The following TRIM36 variants were observed in gnomAD, a reference collection of about 807,000 sequenced individuals.
TRIM36 encodes the protein E3 ubiquitin-protein ligase TRIM36.
A neutral mutation model predicts 72.4 loss-of-function variants in TRIM36; 42 were observed. The ratio of observed to expected loss-of-function variants is 0.58; its 90% CI spans 0.45 to 0.75. The LOEUF is 0.75. TRIM36 is among the 30% of genes least tolerant of loss of function. TRIM36 has a pLI of 0.00. For synonymous variants in TRIM36, 315 were observed against 282.8 expected, an observed-to-expected ratio of 1.11 and a Z score of -1.14; for missense variants, 913 against 857.1, an observed-to-expected ratio of 1.07 and a Z score of -0.81.
At chr5:115,138,916 C>T (rs1023880582) in intron 5 of TRIM36, among the ~76,000 whole-genome samples, 4 of 151,848 alleles carry the variant, frequency 2.6e-5, no homozygotes, top group South Asian at 4.2e-4. Context: ...CCAAGGTTCA[C>T]GCCATTCTCC....
intron 4 of TRIM36, among the ~76,000 whole-genome samples, chr5:115,143,991 C>T (rs1229250755): frequency 6.6e-6 from 1 of 152,088 alleles, no homozygotes. Flanking sequence ...CTGCCTCAGC[C>T]TCTTGAGTAG....
intron 1 of TRIM36, among the ~76,000 whole-genome samples, chr5:115,165,836 C>T (rs1450805638): frequency 6.6e-6 from 1 of 152,178 alleles, no homozygotes; most frequent in Non-Finnish European, 1.5e-5. Flanking sequence ...AGTGCCTGCT[C>T]CTACTGCTTG....
chr5:115,141,995 G>C (rs1194286451), intron 4 of TRIM36, among the ~76,000 whole-genome samples: 1 of 152,050 alleles, frequency 6.6e-6, no homozygotes, highest in Non-Finnish European at 1.5e-5. Flanking sequence ...CCTAAGTTTT[G>C]GTGAGATCCC....
chr5:115,168,665 A>C (rs141366017), intron 1 of TRIM36, among the ~76,000 whole-genome samples: 1 of 152,242 alleles, frequency 6.6e-6, no homozygotes, highest in South Asian at 2.1e-4. Context: ...ATGAAGAGCC[A>C]TATCACCTCC....
At chr5:115,133,260 T>C (rs1224696138) in intron 8 of TRIM36, among the ~76,000 whole-genome samples, 1 of 152,166 alleles carries the variant, frequency 6.6e-6, no homozygotes, top group Non-Finnish European at 1.5e-5. Context: ...TCACATTCTA[T>C]AAAAATCTTT....
chr5:115,129,243 T>TA (rs1302009988), intron 9 of TRIM36, among the ~76,000 whole-genome samples: 1 of 152,234 alleles, frequency 6.6e-6, no homozygotes, highest in Admixed American at 6.5e-5. Flanking sequence ...AACATATTCC[T>TA]GTTGCTAAGC....
At chr5:115,180,124 G>C (rs1561456080) in exon 1 of TRIM36, 11 of 1,352,552 alleles carry the variant, frequency 8.1e-6, no homozygotes, top group African/African-American at 1.5e-5. Context: ...TTTAGTCTGA[G>C]TTTTGCCGAG....
chr5:115,167,528 A>T (rs1754852502), intron 1 of TRIM36, among the ~76,000 whole-genome samples: 1 of 152,212 alleles, frequency 6.6e-6, no homozygotes. Flanking sequence ...GGGGCAAAAC[A>T]CTGCCAGTCT....
At chr5:115,126,971 G>C in intron 9 of TRIM36, 114 bp from the exon 10 acceptor site, 1 of 1,073,104 alleles carries the variant, frequency 9.3e-7, no homozygotes, top group Non-Finnish European at 1.3e-6. Context: ...TACATCAAAA[G>C]CTTTCTATTA....
chr5:115,172,327 A>C (rs1755151888), upstream of TRIM36, among the ~76,000 whole-genome samples: 1 of 152,198 alleles, frequency 6.6e-6, no homozygotes, highest in South Asian at 2.1e-4. Context: ...GTGTGCACAA[A>C]AACATGTACA....
At chr5:115,177,757 C>G (rs1344915224) in intron 1 of TRIM36, 17 of 1,614,008 alleles carry the variant, frequency 1.1e-5, no homozygotes, top group East Asian at 2.2e-5. Context: ...GTCCTAAGTT[C>G]TTCTTGGGAG....
chr5:115,161,155 T>C (rs1754462619), intron 2 of TRIM36, among the ~76,000 whole-genome samples: 2 of 151,988 alleles, frequency 1.3e-5, no homozygotes, highest in Admixed American at 6.6e-5. Context: ...TAATTACAGC[T>C]GTTATAAAGC....
intron 1 of TRIM36, among the ~76,000 whole-genome samples, chr5:115,168,605 T>C (rs540767843): frequency 1.4e-4 from 22 of 152,340 alleles, no homozygotes; most frequent in Middle Eastern, 3.4e-3. Flanking sequence ...GTTTTATCAT[T>C]GTCAGTGGGT....
intron 3 of TRIM36, among the ~76,000 whole-genome samples, chr5:115,146,518 A>ATTAAAGAAATTACTCAGAATG (rs1316622445): frequency 6.6e-6 from 1 of 152,214 alleles, no homozygotes; most frequent in Non-Finnish European, 1.5e-5. Context: ...TTTGAGCAAT[A>ATTAAAGAAATTACTCAGAATG]TTAAAGAAAT....
chr5:115,175,887 G>A (rs1007156934), intron 1 of TRIM36, among the ~76,000 whole-genome samples: 1 of 152,170 alleles, frequency 6.6e-6, no homozygotes, highest in South Asian at 2.1e-4. Context: ...CACTTTGGGA[G>A]GCTAAGGCAG....
chr5:115,131,205 TTCTTTTA>T (rs1752656376), intron 8 of TRIM36, among the ~76,000 whole-genome samples: 1 of 152,228 alleles, frequency 6.6e-6, no homozygotes, highest in African/African-American at 2.4e-5. Context: ...ATTGAATTTG[TTCTTTTA>T]TCTTTATTAA....
In TRIM36 at chr5:115,126,486, C is replaced by T. The variant is rs2112750906; in HGVS notation, c.*17G>A. 6.3e-7 allele frequency: 1 copy of T among 1,586,716 alleles called. No individual in the cohort carries two copies. The highest frequency in any genetic ancestry group is 1.1e-5 in the South Asian group (1 of 88,876). ...TTTGTTTACAGTTTTTATCCTGAGT[C>T]ACATCAGATGTTTCAACTACATGTC... On this transcript the variant is annotated 3_prime_UTR_variant, in exon 10 of 10. Coordinates refer to ENST00000513154, the MANE Select transcript of TRIM36 (RefSeq NM_001300759.2).
At chr5:115,166,537 T>A (rs906938986) in intron 1 of TRIM36, among the ~76,000 whole-genome samples, 3 of 152,186 alleles carry the variant, frequency 2.0e-5, no homozygotes, top group African/African-American at 7.2e-5. Context: ...TTTTGCTCAA[T>A]AAAGCACCTT....
At chr5:115,150,747 G>A (rs867962251) in intron 2 of TRIM36, among the ~76,000 whole-genome samples, 5 of 152,316 alleles carry the variant, frequency 3.3e-5, no homozygotes, top group South Asian at 4.1e-4. Context: ...AAGGGAGATT[G>A]TCTGCCCCTG....
Sources: allele counts gnomAD v4.1 joint callset (sites outside exome capture counted in the v4.1 genomes callset), GRCh38; gene constraint gnomAD v4.1.1; transcripts MANE v1.5; gene names NCBI Gene and HGNC (gene_info 2026-07-23, HGNC 2026-07-21).